EPB41L2: variants seen among roughly 807,000 people sequenced by gnomAD.
The protein encoded by EPB41L2 is band 4.1-like protein 2.
In EPB41L2, 43 loss-of-function variants were observed where a neutral mutation model predicts 113.0. The observed-to-expected ratio is 0.38, with a 90% CI of 0.30 to 0.49. The LOEUF is 0.49. Among genes scored for constraint, EPB41L2 ranks in the 20% least tolerant of loss-of-function variants. The probability of loss-of-function intolerance (pLI) is 0.95; values close to 1 mark genes in which losing one functional copy is unlikely to be tolerated. For synonymous variants in EPB41L2, 442 were observed against 436.7 expected (o/e 1.01, Z -0.15); for missense variants, 1,147 against 1,223.4 (o/e 0.94, Z 0.93).
At chr6:131,040,517 ATTT>A (rs769631626) in intron 1 of EPB41L2, among the ~76,000 whole-genome samples, 1 of 152,170 alleles carries the variant, frequency 6.6e-6, no homozygotes, top group Non-Finnish European at 1.5e-5. Context: ...TTTTATCACC[ATTT>A]TGCTATTCCC....
At chr6:130,948,390 G>A (rs1229284490) in intron 3 of EPB41L2, among the ~76,000 whole-genome samples, 5 of 152,012 alleles carry the variant, frequency 3.3e-5, no homozygotes, top group Non-Finnish European at 5.9e-5. Context: ...CGAGATCTAC[G>A]AAATGCATAC....
intron 5 of EPB41L2, among the ~76,000 whole-genome samples, chr6:130,906,674 G>C (rs894962422): frequency 6.6e-6 from 1 of 152,106 alleles, no homozygotes; most frequent in Non-Finnish European, 1.5e-5. Context: ...TTAAGTTGTT[G>C]GTTGTCATAG....
At chr6:130,993,049 AAAACAAATACC>A (rs1398451135) in intron 1 of EPB41L2, among the ~76,000 whole-genome samples, 1 of 152,232 alleles carries the variant, frequency 6.6e-6, no homozygotes, top group African/African-American at 2.4e-5. Context: ...ATAATAAGGA[AAAACAAATACC>A]AAAGATAGCT....
intron 19 of EPB41L2, among the ~76,000 whole-genome samples, chr6:130,843,814 T>C (rs1301157470): frequency 6.6e-6 from 1 of 152,228 alleles, no homozygotes; most frequent in Non-Finnish European, 1.5e-5. Context: ...AGTAATTCTA[T>C]GTTCAAGTTC....
intron 1 of EPB41L2, among the ~76,000 whole-genome samples, chr6:131,053,382 C>G (rs1302362077): frequency 3.0e-5 from 4 of 133,096 alleles, no homozygotes; most frequent in Admixed American, 2.6e-4. Flanking sequence ...ACTACTGTTA[C>G]TACTTGAGAC....
At chr6:131,020,206 C>A (rs1789132083) in intron 1 of EPB41L2, among the ~76,000 whole-genome samples, 1 of 152,024 alleles carries the variant, frequency 6.6e-6, no homozygotes, top group Non-Finnish European at 1.5e-5. Context: ...CCTTCTCCCA[C>A]CCTGCCCAAG....
intron 7 of EPB41L2, 126 bp downstream of exon 7, chr6:130,900,836 T>G: frequency 1.9e-6 from 2 of 1,042,574 alleles, no homozygotes; most frequent in Non-Finnish European, 2.9e-6. Context: ...TGATTAGTGC[T>G]AGGTGAAACT....
chr6:130,878,329 TAAGAC>T (rs1788209214), intron 13 of EPB41L2, 79 bp from the exon 14 acceptor site: 1 of 1,446,896 alleles, frequency 6.9e-7, no homozygotes, highest in Non-Finnish European at 9.2e-7. Flanking sequence ...AACCAAAAAA[TAAGAC>T]AAAGCAAACT....
intron 18 of EPB41L2, among the ~76,000 whole-genome samples, chr6:130,861,956 A>C (rs1163271967): frequency 6.6e-6 from 1 of 152,026 alleles, no homozygotes; most frequent in Non-Finnish European, 1.5e-5. Context: ...ATCTGACCTC[A>C]GTTTTAGAAA....
At chr6:130,912,761 C>A (rs1799814243) in intron 4 of EPB41L2, among the ~76,000 whole-genome samples, 1 of 151,556 alleles carries the variant, frequency 6.6e-6, no homozygotes, top group African/African-American at 2.4e-5. Flanking sequence ...AATGAAAAAA[C>A]ACATCATTCA....
chr6:130,923,573 G>A (rs894773643), intron 4 of EPB41L2, among the ~76,000 whole-genome samples: 6 of 152,132 alleles, frequency 3.9e-5, no homozygotes, highest in African/African-American at 1.4e-4. Context: ...CCCAGCCAAA[G>A]TCCACTCACA....
At chr6:130,841,221 CAAA>C (rs113100092) in intron 19 of EPB41L2, among the ~76,000 whole-genome samples, 31 of 139,042 alleles carry the variant, frequency 2.2e-4, no homozygotes, top group African/African-American at 5.3e-4. Context: ...TCTAATTGAC[CAAA>C]AAAAAAAAAA....
At chr6:130,948,792 G>T (rs17059852) in intron 3 of EPB41L2, among the ~76,000 whole-genome samples, 18,354 of 152,034 alleles carry the variant, frequency 0.12, 1,417 homozygotes, top group African/African-American at 0.2. Flanking sequence ...AAATTTCAAG[G>T]TATTATATGA....
chr6:130,984,950 G>C (rs1780198642), intron 1 of EPB41L2, among the ~76,000 whole-genome samples: 1 of 152,210 alleles, frequency 6.6e-6, no homozygotes, highest in Admixed American at 6.5e-5. Context: ...CTTCAAGAGA[G>C]ATGGGAACAG....
At chr6:130,923,332 G>A (rs140307624) in intron 4 of EPB41L2, among the ~76,000 whole-genome samples, 121 of 152,232 alleles carry the variant, frequency 7.9e-4, no homozygotes, top group Non-Finnish European at 1.5e-3. Context: ...TCATATCCTT[G>A]CTTCAGCCTA....
intron 1 of EPB41L2, among the ~76,000 whole-genome samples, chr6:130,998,435 G>A (rs1783638145): frequency 1.3e-5 from 2 of 152,128 alleles, no homozygotes; most frequent in South Asian, 4.1e-4. Flanking sequence ...GCAAAACACT[G>A]TTAAAAGAGT....
rs532268664 is a variant in EPB41L2 at position 130,871,455 on chromosome 6, G to A, written c.2044-1329C>T. 7.9e-5 allele frequency among the ~76,000 whole-genome samples: 12 copies of A among 152,266 alleles called. No individual in the cohort carries two copies. The East Asian group carries it at 2.1e-3, about 27-fold the overall frequency. ...GCCCTCTGGATATTGTTGTGAAGCT[G>A]CCAAGGTACTAACTGGACTGGAGCC... On this transcript the variant is annotated intron_variant, in intron 14 of 19. Transcript: ENST00000337057.
chr6:130,855,704 G>T (rs1409519234), intron 19 of EPB41L2, among the ~76,000 whole-genome samples: 1 of 152,050 alleles, frequency 6.6e-6, no homozygotes, highest in African/African-American at 2.4e-5. Context: ...TATGTTCAAG[G>T]AAAAGAAGGC....
chr6:130,985,912 C>A (rs1260850902), intron 1 of EPB41L2, among the ~76,000 whole-genome samples: 1 of 152,028 alleles, frequency 6.6e-6, no homozygotes, highest in Non-Finnish European at 1.5e-5. Context: ...GGTGTACAAC[C>A]AGCACCACAA....
Sources: allele counts gnomAD v4.1 joint callset (sites outside exome capture counted in the v4.1 genomes callset), GRCh38; gene constraint gnomAD v4.1.1; transcripts MANE v1.5; gene names NCBI Gene and HGNC (gene_info 2026-07-23, HGNC 2026-07-21).